Variants in NAV3 observed in about 807,000 individuals in gnomAD.
NAV3 encodes pore membrane and/or filament interacting like protein 1.
Under a neutral mutation model 244.7 loss-of-function variants are expected in NAV3, and 87 were observed. The observed-to-expected ratio is 0.36, with a 90% confidence interval of 0.30 to 0.42. The LOEUF is 0.42. NAV3 is among the 20% of genes least tolerant of loss of function. The probability of loss-of-function intolerance (pLI) is 1.00; values close to 1 mark genes in which losing one functional copy is unlikely to be tolerated. For synonymous variants in NAV3, 1,126 were observed against 1,042.2 expected (o/e 1.08, Z -1.55); for missense variants, 2,663 against 2,893.3 (o/e 0.92, Z 1.83).
intron 2 of NAV3, among the ~76,000 whole-genome samples, chr12:77,760,416 G>A (rs922804782): frequency 8.5e-5 from 13 of 152,172 alleles, no homozygotes; most frequent in Admixed American, 7.9e-4. Flanking sequence ...GAATTTCGAA[G>A]GAGAACGCTA....
chr12:78,031,902 T>TA (rs542284738), intron 9 of NAV3, among the ~76,000 whole-genome samples: 3 of 148,892 alleles, frequency 2.0e-5, no homozygotes, highest in African/African-American at 7.5e-5. Context: ...ATAATAATAA[T>TA]AAAAAAAAAG....
At position 78,007,296 on chromosome 12, in the gene NAV3, G is replaced by A. The variant is rs2136595971; in HGVS notation, c.1758G>A (p.Arg586=). The A allele has an allele frequency of 3.1e-6, 5 of 1,614,144 alleles. No individual in the cohort carries two copies. Among genetic ancestry groups the A allele is most frequent in the Non-Finnish European group, 4.2e-6 (5 of 1,180,030 alleles). The change falls in exon 8 of 40, where the codon AGG becomes AGA. Residue 586 remains arginine (R), a synonymous_variant. Transcript: ENST00000397909. ...GTTGTCCTGCCCCTTTGGAAGGAAG[G>A]GAAGCTGGCCAAGCTTCTCCTTCTG... The part of the protein sequence containing the change: ...ASSCPAPLEG[R]EAGQASPSGS...
chr12:77,699,023 A>G (rs1875439855), intron 2 of NAV3, among the ~76,000 whole-genome samples: 1 of 152,178 alleles, frequency 6.6e-6, no homozygotes, highest in Non-Finnish European at 1.5e-5. Context: ...TGTAGCAAAC[A>G]TATATACTCT....
chr12:77,821,034 C>G (rs148889867), intron 2 of NAV3, among the ~76,000 whole-genome samples: 1 of 151,988 alleles, frequency 6.6e-6, no homozygotes, highest in African/African-American at 2.4e-5. Flanking sequence ...CTCTCTCTTT[C>G]TTATTATCTG....
At position 78,137,199 on chromosome 12, in the gene NAV3, G is replaced by A. The variant is rs1852464; in HGVS notation, c.4464G>A (p.Gln1488=). The change falls in exon 19 of 40, where the codon CAG becomes CAA. Residue 1488 remains glutamine, a synonymous_variant. Transcript: ENST00000397909. ...CAGTGAGCCCAACAAATTTGTCTCAGTTTAACCTTCCCGGGCCCAGCATGA... is the reference window on the plus strand; with the variant it reads ...CAGTGAGCCCAACAAATTTGTCTCAATTTAACCTTCCCGGGCCCAGCATGA... ...SNLVSPTNLS[Q]FNLPGPSMMR... 989,885 of 1,610,774 alleles carry A rather than the reference G, an allele frequency of 0.61. 307,014 individuals are homozygous for A. The highest frequency in any genetic ancestry group is 0.75 in the African/African-American group (56,241 of 74,728).
intron 1 of NAV3, among the ~76,000 whole-genome samples, chr12:77,907,405 G>A (rs1465288113): frequency 2.0e-5 from 3 of 152,036 alleles, no homozygotes; most frequent in African/African-American, 4.8e-5. Flanking sequence ...AGAGTTTTTG[G>A]TAACCTTCTC....
At chr12:77,642,164 A>T (rs1362409931) in intron 2 of NAV3, among the ~76,000 whole-genome samples, 1 of 152,000 alleles carries the variant, frequency 6.6e-6, no homozygotes, top group African/African-American at 2.4e-5. Flanking sequence ...CCCCCTTCCA[A>T]TGGGGTTGGA....
At chr12:78,140,453 A>G (rs1726427) in intron 20 of NAV3, 119 bp downstream of exon 20, 294,063 of 890,356 alleles carry the variant, frequency 0.33, 51,461 homozygotes, top group Admixed American at 0.53. Flanking sequence ...GTTGTGTAGC[A>G]AAATAACGGC....
At chr12:77,759,072 G>A (rs983529051) in intron 2 of NAV3, among the ~76,000 whole-genome samples, 1 of 152,150 alleles carries the variant, frequency 6.6e-6, no homozygotes, top group Non-Finnish European at 1.5e-5. Context: ...ACATTGGACA[G>A]CACAGTCCCA....
At chr12:78,011,226 G>T (rs998516941) in intron 8 of NAV3, among the ~76,000 whole-genome samples, 1 of 152,102 alleles carries the variant, frequency 6.6e-6, no homozygotes, top group Non-Finnish European at 1.5e-5. Flanking sequence ...GTGGCAAAGT[G>T]ACCAGTTATT....
intron 1 of NAV3, among the ~76,000 whole-genome samples, chr12:77,919,288 G>A (rs1035868051): frequency 6.6e-6 from 1 of 152,018 alleles, no homozygotes; most frequent in Admixed American, 6.6e-5. Context: ...TCTTGACATG[G>A]TATCCACATG....
chr12:77,982,989 T>C (rs923778889), intron 5 of NAV3, among the ~76,000 whole-genome samples: 1 of 152,168 alleles, frequency 6.6e-6, no homozygotes, highest in African/African-American at 2.4e-5. Flanking sequence ...CACAAAGATC[T>C]CACTTCTCAA....
chr12:77,981,270 A>C (rs1869510303), intron 5 of NAV3, among the ~76,000 whole-genome samples: 3 of 152,164 alleles, frequency 2.0e-5, no homozygotes, highest in Admixed American at 2.0e-4. Flanking sequence ...GTTTTGAGGT[A>C]CTAAAGATAT....
chr12:77,583,461 C>CA (rs1869459931), intron 2 of NAV3, among the ~76,000 whole-genome samples: 1 of 152,116 alleles, frequency 6.6e-6, no homozygotes, highest in Non-Finnish European at 1.5e-5. Flanking sequence ...ACTTTTAAAA[C>CA]AATGTGAACT....
At chr12:78,094,764 CT>C (rs1566123026) in intron 12 of NAV3, among the ~76,000 whole-genome samples, 1 of 151,822 alleles carries the variant, frequency 6.6e-6, no homozygotes, top group African/African-American at 2.4e-5. Context: ...TATTTCTTGG[CT>C]TGGCCAGGCA....
chr12:77,686,969 G>A (rs1000344024), intron 2 of NAV3, among the ~76,000 whole-genome samples: 3 of 151,908 alleles, frequency 2.0e-5, no homozygotes, highest in Non-Finnish European at 2.9e-5. Context: ...GCTGCCTCTC[G>A]GTGGGGTCTT....
At chr12:78,023,321 A>T (rs1303195006) in intron 9 of NAV3, among the ~76,000 whole-genome samples, 1 of 151,956 alleles carries the variant, frequency 6.6e-6, no homozygotes. Flanking sequence ...CTTATTGTCT[A>T]CCCTTTGATC....
chr12:77,753,100 A>T (rs1014903707), intron 2 of NAV3, among the ~76,000 whole-genome samples: 1 of 152,190 alleles, frequency 6.6e-6, no homozygotes, highest in Admixed American at 6.5e-5. Context: ...GTTCATCCAT[A>T]TTTTGGAAGC....
At chr12:77,800,026 C>G (rs1038807204) in intron 2 of NAV3, among the ~76,000 whole-genome samples, 1 of 152,106 alleles carries the variant, frequency 6.6e-6, no homozygotes, top group Non-Finnish European at 1.5e-5. Flanking sequence ...TTCACCATAG[C>G]ATCTACTTGC....
Sources: gnomAD v4.1 joint callset for allele counts (sites outside exome capture counted in the v4.1 genomes callset) on GRCh38, gnomAD v4.1.1 for gene constraint, MANE v1.5 for transcripts, NCBI Gene and HGNC (gene_info 2026-07-23, HGNC 2026-07-21) for gene names.